ME2: variants seen among roughly 807,000 people sequenced by gnomAD.
The protein encoded by ME2 is NAD-dependent malic enzyme, mitochondrial.
ME2 carries 60 observed loss-of-function variants against 73.7 expected under a neutral mutation model. That is an observed-to-expected ratio of 0.81 (90% CI 0.66 to 1.01). The LOEUF (loss-of-function observed/expected upper bound fraction) is 1.01. Ranked by LOEUF, ME2 falls within the 50% of genes least tolerant of loss-of-function variation. ME2 has a pLI of 0.00. For synonymous variants in ME2, 199 were observed against 236.9 expected, an observed-to-expected ratio of 0.84 and a Z score of 1.47; for missense variants, 594 against 705.5, an observed-to-expected ratio of 0.84 and a Z score of 1.79.
intron 15 of ME2, among the ~76,000 whole-genome samples, chr18:50,942,225 G>A (rs1917981517): frequency 6.6e-6 from 1 of 152,120 alleles, no homozygotes; most frequent in Non-Finnish European, 1.5e-5. Context: ...TAGTTAACCA[G>A]TTGCCCCAGC....
At chr18:50,919,285 C>A (rs1292755035) in intron 7 of ME2, among the ~76,000 whole-genome samples, 1 of 152,150 alleles carries the variant, frequency 6.6e-6, no homozygotes, top group Non-Finnish European at 1.5e-5. Context: ...GATTGGTTTC[C>A]TATTGCCATA....
intron 13 of ME2, 74 bp from the exon 14 acceptor site, chr18:50,939,496 G>T (rs1917894434): frequency 2.0e-6 from 2 of 987,744 alleles, no homozygotes; most frequent in Non-Finnish European, 1.6e-6. Context: ...CCATTTATTT[G>T]CCTGAATATA....
Position 50,928,317 on chromosome 18 carries a change from C to T in ME2, c.1314+2419C>T, listed in dbSNP as rs540072637. Among the ~76,000 whole-genome samples, 4 of 151,530 alleles carry T rather than the reference C, an allele frequency of 2.6e-5. No individual in the cohort carries two copies. The South Asian group carries it at 8.4e-4, about 32-fold the overall frequency. On this transcript the variant is annotated intron_variant, in intron 12 of 15. Coordinates refer to ENST00000321341, the MANE Select transcript of ME2 (RefSeq NM_002396.5). ...CTAGAGTGCAGTGGCGTCATCTCAC[C>T]TCACTGCAAACTCTGCCTCCCAGGT...
chr18:50,946,489 G>C (rs1178048866), intron 15 of ME2, among the ~76,000 whole-genome samples: 2 of 152,168 alleles, frequency 1.3e-5, no homozygotes, highest in African/African-American at 4.8e-5. Flanking sequence ...GAGTAAAGGA[G>C]GTATCCTTGT....
Position 50,921,194 on chromosome 18 carries a change from T to C in ME2, c.1056+7T>C, listed in dbSNP as rs76082340. ...GTATGGTTTATTAGTTAAGGTAAGG[T>C]ATTTAAAATTTGGAGAAGCAAAAGA... On this transcript the variant is annotated splice_region_variant and intron_variant, in intron 10 of 15. Transcript: ENST00000321341. 0.024 allele frequency: 33,377 copies of C among 1,407,688 alleles called. 542 individuals carry two copies. The highest frequency in any genetic ancestry group is 0.028 in the Non-Finnish European group (28,725 of 1,022,574). The allele number at this position is 1,407,688 out of a possible 1,614,324, so 87.2% of individuals were successfully genotyped here.
At chr18:50,879,383 C>T (rs1386505409) in intron 1 of ME2, 75 bp downstream of exon 1, 1 of 151,750 alleles carries the variant, frequency 6.6e-6, no homozygotes, top group African/African-American at 2.4e-5. Flanking sequence ...GGCCCGGCCC[C>T]GAGAGCCCAG....
chr18:50,904,974 C>T (rs1191909574), intron 2 of ME2, among the ~76,000 whole-genome samples: 2 of 151,910 alleles, frequency 1.3e-5, no homozygotes, highest in Non-Finnish European at 2.9e-5. Flanking sequence ...TGGTGTCTTA[C>T]AGATCTCTGA....
chr18:50,926,311 T>A (rs1599114902), intron 12 of ME2, among the ~76,000 whole-genome samples: 1 of 152,184 alleles, frequency 6.6e-6, no homozygotes, highest in East Asian at 1.9e-4. Context: ...CTTGGTAATT[T>A]ATTTTGCCTT....
intron 6 of ME2, 83 bp from the exon 7 acceptor site, chr18:50,918,027 A>AT (rs1424313814): frequency 1.2e-6 from 1 of 811,366 alleles, no homozygotes; most frequent in Non-Finnish European, 1.8e-6. Flanking sequence ...TGTATTAGTA[A>AT]TTTTTTATTT....
intron 4 of ME2, among the ~76,000 whole-genome samples, chr18:50,913,597 T>G (rs936139575): frequency 1.3e-4 from 20 of 152,136 alleles, no homozygotes; most frequent in African/African-American, 4.6e-4. Flanking sequence ...CCTCCCAAAG[T>G]GCTGGGATTT....
intron 1 of ME2, among the ~76,000 whole-genome samples, chr18:50,880,911 A>C (rs1426546885): frequency 6.6e-6 from 1 of 152,202 alleles, no homozygotes; most frequent in African/African-American, 2.4e-5. Flanking sequence ...AAAGGAAAAA[A>C]CCCATTTACC....
At chr18:50,903,333 A>AT (rs1340464742) in intron 2 of ME2, among the ~76,000 whole-genome samples, 2 of 152,176 alleles carry the variant, frequency 1.3e-5, no homozygotes, top group Non-Finnish European at 2.9e-5. Context: ...TAATCATTTT[A>AT]TTTTTTACTC....
chr18:50,880,276 A>G (rs1422707148), intron 1 of ME2, among the ~76,000 whole-genome samples: 3 of 152,198 alleles, frequency 2.0e-5, no homozygotes, highest in South Asian at 2.1e-4. Flanking sequence ...TAGGTTAAGT[A>G]ACTTGCCTAA....
intron 2 of ME2, among the ~76,000 whole-genome samples, chr18:50,900,081 C>A (rs989560949): frequency 6.6e-6 from 1 of 152,034 alleles, no homozygotes; most frequent in African/African-American, 2.4e-5. Context: ...CACCTCTTTT[C>A]CCCATGTACT....
rs551663699 is a variant in ME2, at chr18:50,901,673, C to G, written c.108+5745C>G. On this transcript the variant is annotated intron_variant, in intron 2 of 15. Coordinates refer to ENST00000321341, the MANE Select transcript of ME2 (RefSeq NM_002396.5). ...TTATGATTACAACAGTAAAAGTGTA[C>G]AATTGTTTGATTACAAGGTGAGCCA... is the stretch of plus-strand genomic sequence containing the variant. 3.9e-5 allele frequency among the ~76,000 whole-genome samples: 6 copies of G among 152,254 alleles called. No homozygotes were observed. The South Asian group carries it at 1.0e-3, about 26-fold the overall frequency.
intron 10 of ME2, among the ~76,000 whole-genome samples, chr18:50,921,528 G>A (rs1411137936): frequency 1.3e-5 from 2 of 152,096 alleles, no homozygotes; most frequent in Non-Finnish European, 2.9e-5. Context: ...TAATTAAATT[G>A]CAGTATTGCA....
chr18:50,894,941 T>C (rs1258502176), intron 1 of ME2, among the ~76,000 whole-genome samples: 1 of 151,226 alleles, frequency 6.6e-6, no homozygotes, highest in Non-Finnish European at 1.5e-5. Flanking sequence ...GTTACTTTTA[T>C]GATATATGAG....
intron 15 of ME2, among the ~76,000 whole-genome samples, chr18:50,941,820 T>C (rs906110684): frequency 2.6e-5 from 4 of 151,954 alleles, no homozygotes; most frequent in Non-Finnish European, 5.9e-5. Flanking sequence ...TATGAGTGTA[T>C]CTTTTTCCAC....
intron 1 of ME2, among the ~76,000 whole-genome samples, chr18:50,888,544 G>A (rs1158010125): frequency 8.6e-5 from 13 of 151,844 alleles, no homozygotes. Flanking sequence ...TATTGGACAT[G>A]TCCATTTCTG....
Sources: gnomAD v4.1 joint callset for allele counts (sites outside exome capture counted in the v4.1 genomes callset) on GRCh38, gnomAD v4.1.1 for gene constraint, MANE v1.5 for transcripts, NCBI Gene and HGNC (gene_info 2026-07-23, HGNC 2026-07-21) for gene names.